S100Z: variants seen among roughly 807,000 people sequenced by gnomAD.
S100Z encodes the protein S100 calcium binding protein Z.
In S100Z, 11 loss-of-function variants were observed where a neutral mutation model predicts 8.5. That is an observed-to-expected ratio of 1.30 (90% confidence interval 0.82 to 2.15). The LOEUF (loss-of-function observed/expected upper bound fraction) is 2.15, where lower values mean the gene tolerates loss of function less well. Ranked by LOEUF, S100Z falls within the 30% of genes most tolerant of loss-of-function variation. The pLI, the probability that S100Z is intolerant of heterozygous loss-of-function variation, is 0.00. For synonymous variants in S100Z, 34 were observed against 43.8 expected (o/e 0.78, Z 0.89); for missense variants, 126 against 117.9 (o/e 1.07, Z -0.32).
At chr5:76,874,518 A>G (rs1289354798) in intron 2 of S100Z, among the ~76,000 whole-genome samples, 1 of 152,072 alleles carries the variant, frequency 6.6e-6, no homozygotes. Context: ...TTAAATACGG[A>G]GCAGAGGCAC....
In S100Z at chr5:76,921,592, C is replaced by T. The variant is rs1197324788; in HGVS notation, c.*878C>T. 6.6e-6 allele frequency: 1 copy of T among 152,168 alleles called. No individual in the cohort carries two copies. Among genetic ancestry groups the T allele is most frequent in the Non-Finnish European group, 1.5e-5 (1 of 68,042 alleles). The allele number at this position is 152,168 out of a possible 1,614,324, so 9.4% of individuals were successfully genotyped here. On this transcript the variant is annotated 3_prime_UTR_variant, in exon 5 of 5. Coordinates refer to ENST00000317593, the MANE Select transcript of S100Z (RefSeq NM_130772.4). ...CTGGATATTCAAAAACCACGATGTCCTTTTACTTGAAGATTTTAAAAGGAA... is the reference window on the plus strand; with the variant it reads ...CTGGATATTCAAAAACCACGATGTCTTTTTACTTGAAGATTTTAAAAGGAA...
chr5:76,909,819 C>A (rs1744586058), intron 4 of S100Z, among the ~76,000 whole-genome samples: 1 of 152,180 alleles, frequency 6.6e-6, no homozygotes, highest in Non-Finnish European at 1.5e-5. Context: ...AGATGTCCTA[C>A]AGGGTCTAGA....
intron 3 of S100Z, among the ~76,000 whole-genome samples, chr5:76,876,734 T>G (rs903206629): frequency 3.9e-5 from 6 of 152,214 alleles, no homozygotes; most frequent in African/African-American, 1.4e-4. Flanking sequence ...CTTCGCACAT[T>G]TATTTAATCA....
At chr5:76,906,343 A>G (rs936572483) in intron 4 of S100Z, among the ~76,000 whole-genome samples, 1 of 152,188 alleles carries the variant, frequency 6.6e-6, no homozygotes, top group Non-Finnish European at 1.5e-5. Flanking sequence ...ATTATTAACT[A>G]TAGTCACCAT....
chr5:76,864,022 A>C (rs1169733138), intron 1 of S100Z, among the ~76,000 whole-genome samples: 1 of 152,242 alleles, frequency 6.6e-6, no homozygotes, highest in Non-Finnish European at 1.5e-5. Context: ...GTATTATTAC[A>C]ATTAATGTTT....
intron 1 of S100Z, among the ~76,000 whole-genome samples, chr5:76,859,167 G>C (rs1366145000): frequency 6.6e-6 from 1 of 152,154 alleles, no homozygotes; most frequent in East Asian, 1.9e-4. Context: ...TATAGCCAGA[G>C]AGTTTGCATT....
chr5:76,915,357 A>G lies in S100Z; in HGVS notation c.*3-5360A>G, dbSNP rs1342650880. ...GATGGCTCACACCTGTAATCCCAGCACTTTGGGAGGCCGAGGCGGGCAGAC... is the reference window on the plus strand; with the variant it reads ...GATGGCTCACACCTGTAATCCCAGCGCTTTGGGAGGCCGAGGCGGGCAGAC... On this transcript the variant is annotated intron_variant, in intron 4 of 4. Transcript: ENST00000317593. Among the ~76,000 whole-genome samples the G allele has an allele frequency of 6.6e-5, 10 of 150,632 alleles. No individual in the cohort carries two copies. In the Admixed American group the frequency reaches 6.7e-4, roughly 10 times the overall value.
the S100Z span, among the ~76,000 whole-genome samples, chr5:76,942,235 C>A: frequency 1.6e-4 from 24 of 151,990 alleles, no homozygotes; most frequent in Non-Finnish European, 3.1e-4. Flanking sequence ...CCTCAGCCTC[C>A]TGAGTTGCTG....
At chr5:76,902,126 A>G (rs1744250732) in intron 4 of S100Z, among the ~76,000 whole-genome samples, 1 of 151,992 alleles carries the variant, frequency 6.6e-6, no homozygotes, top group South Asian at 2.1e-4. Context: ...TCTTCTCTTC[A>G]AGCAGAAGGA....
At chr5:76,867,246 T>A (rs1742787081) in intron 1 of S100Z, among the ~76,000 whole-genome samples, 1 of 152,166 alleles carries the variant, frequency 6.6e-6, no homozygotes, top group South Asian at 2.1e-4. Context: ...CTGAGGTCCG[T>A]CCCTCCCACT....
At chr5:76,877,262 AG>A (rs1743222579) in intron 3 of S100Z, among the ~76,000 whole-genome samples, 1 of 152,370 alleles carries the variant, frequency 6.6e-6, no homozygotes, top group Admixed American at 6.5e-5. Flanking sequence ...TATAAATAAA[AG>A]CATTTAAAAT....
chr5:76,850,553 C>G (rs1172915747), intron 1 of S100Z, among the ~76,000 whole-genome samples: 4 of 152,198 alleles, frequency 2.6e-5, no homozygotes, highest in African/African-American at 9.7e-5. Context: ...CAAGGTGAGG[C>G]TTGGCCCCTT....
intron 4 of S100Z, among the ~76,000 whole-genome samples, chr5:76,896,359 G>A (rs945262755): frequency 6.6e-6 from 1 of 152,136 alleles, no homozygotes; most frequent in Non-Finnish European, 1.5e-5. Context: ...TGTTGCAAAT[G>A]ACTGGATCTC....
the S100Z span, among the ~76,000 whole-genome samples, chr5:76,931,667 A>T: frequency 6.6e-6 from 1 of 152,224 alleles, no homozygotes; most frequent in African/African-American, 2.4e-5. Flanking sequence ...GACCAGATGG[A>T]TAGCGAATCT....
chr5:76,870,667 G>A (rs142315126), intron 2 of S100Z, among the ~76,000 whole-genome samples: 57 of 152,210 alleles, frequency 3.7e-4, no homozygotes, highest in African/African-American at 1.3e-3. Context: ...GGACATTCAG[G>A]TAGAGATGTG....
At chr5:76,938,178 C>T in the S100Z span, among the ~76,000 whole-genome samples, 1 of 152,064 alleles carries the variant, frequency 6.6e-6, no homozygotes, top group Non-Finnish European at 1.5e-5. Flanking sequence ...ACAGGGGACT[C>T]AATCAATGCC....
intron 4 of S100Z, among the ~76,000 whole-genome samples, chr5:76,903,664 C>T (rs2150672464): frequency 6.6e-6 from 1 of 151,798 alleles, no homozygotes; most frequent in South Asian, 2.1e-4. Flanking sequence ...CTGTATTTCC[C>T]TAACAATGAA....
chr5:76,944,450 G>A, the S100Z span, among the ~76,000 whole-genome samples: 1 of 152,124 alleles, frequency 6.6e-6, no homozygotes, highest in Non-Finnish European at 1.5e-5. Context: ...AATAAAATAT[G>A]ACAAAGGCTC....
At chr5:76,872,709 C>T (rs538196266) in intron 2 of S100Z, among the ~76,000 whole-genome samples, 6 of 152,070 alleles carry the variant, frequency 3.9e-5, no homozygotes, top group African/African-American at 1.4e-4. Flanking sequence ...ACCTGTAATC[C>T]CAGCATTTTG....
Sources: gnomAD v4.1 joint callset for allele counts (sites outside exome capture counted in the v4.1 genomes callset) on GRCh38, gnomAD v4.1.1 for gene constraint, MANE v1.5 for transcripts, NCBI Gene and HGNC (gene_info 2026-07-23, HGNC 2026-07-21) for gene names.